The following SLC6A14 variants were observed in gnomAD, a reference collection of about 807,000 sequenced individuals.
The protein encoded by SLC6A14 is sodium- and chloride-dependent neutral and basic amino acid transporter B(0+).
A neutral mutation model predicts 51.4 loss-of-function variants in SLC6A14; 21 were observed. The observed-to-expected ratio is 0.41, with a 90% confidence interval of 0.29 to 0.59. SLC6A14 has a LOEUF of 0.59. Ranked by LOEUF, SLC6A14 falls within the 20% of genes least tolerant of loss-of-function variation. SLC6A14 has a pLI of 0.31. For missense variants in SLC6A14, 371 were observed against 472.8 expected (o/e 0.78, Z 2.00); for synonymous variants, 177 against 160.7 (o/e 1.10, Z -0.77).
chrX:116,456,519 G>T (rs1312118616), intron 12 of SLC6A14, among the ~76,000 whole-genome samples: 1 of 110,898 alleles, frequency 9.0e-6, no homozygotes, highest in African/African-American at 3.3e-5. Flanking sequence ...AGAAGGTCTA[G>T]CTGGATCACT....
In SLC6A14 at chrX:116,446,786, C is replaced by A; in HGVS notation, c.835C>A (p.Leu279Met). 8.3e-7 allele frequency: 1 copy of A among 1,202,902 alleles called. No homozygotes were observed. Residue 279 changes from leucine to methionine, a missense_variant, in exon 7 of 14, where the codon CTG (leucine) becomes ATG (methionine). By Grantham distance (15) the Leu-to-Met change is conservative. Coordinates refer to ENST00000598581, the MANE Select transcript of SLC6A14 (RefSeq NM_007231.5). ...ALFPYVVLLILLVRGATLEGA... is the reference protein window; with the variant it reads ...ALFPYVVLLIMLVRGATLEGA... The stretch of plus-strand genomic sequence containing the variant: ...TTTCCCCTATGTGGTCCTACTCATC[C>A]TGTTAGTACGAGGTGCAACTCTGGA...
intron 12 of SLC6A14, among the ~76,000 whole-genome samples, chrX:116,456,643 T>G (rs1927941132): frequency 9.0e-6 from 1 of 111,190 alleles, no homozygotes; most frequent in Admixed American, 9.6e-5. Flanking sequence ...TAAAGTCATG[T>G]GTATTGGACT....
chrX:116,448,116 G>A (rs1927753446), intron 7 of SLC6A14, among the ~76,000 whole-genome samples: 1 of 111,891 alleles, frequency 8.9e-6, no homozygotes, highest in Non-Finnish European at 1.9e-5. Context: ...ATACTTACAA[G>A]AGGATGTGTA....
In SLC6A14 at chrX:116,454,963, CA is replaced by C. The variant is rs782363632; in HGVS notation, c.1405-13del. The C allele has an allele frequency of 8.7e-7, 1 of 1,144,364 alleles. No homozygotes were observed. Among genetic ancestry groups the C allele is most frequent in the South Asian group, 1.9e-5 (1 of 52,329 alleles). The allele number at this position is 1,144,364 out of a possible 1,213,427, so 94.3% of individuals were successfully genotyped here. On this transcript the variant is annotated splice_polypyrimidine_tract_variant and intron_variant, in intron 10 of 13. Coordinates refer to ENST00000598581, the MANE Select transcript of SLC6A14 (RefSeq NM_007231.5). ...TTAAAATATACTTAGAAGTAATTAACATTTTTTTGGTAGGCTGGAATTTACT... is the reference window on the plus strand; with the variant it reads ...TTAAAATATACTTAGAAGTAATTAACTTTTTTTGGTAGGCTGGAATTTACT...
chrX:116,442,005 G>A (rs1321879016), intron 3 of SLC6A14, among the ~76,000 whole-genome samples: 2 of 110,954 alleles, frequency 1.8e-5, no homozygotes, highest in Non-Finnish European at 1.9e-5. Context: ...AATTTTTTTT[G>A]TCTAAAGAAT....
At position 116,441,101 on chromosome X, in the gene SLC6A14, G is replaced by T. The variant is rs1556693651; in HGVS notation, c.346+4G>T. The T allele has an allele frequency of 8.3e-7, 1 of 1,205,588 alleles. No homozygotes were observed. Among genetic ancestry groups the T allele is most frequent in the Non-Finnish European group, 1.1e-6 (1 of 892,907 alleles). On this transcript the variant is annotated splice_donor_region_variant and intron_variant, in intron 3 of 13. Transcript: ENST00000598581. Reference sequence around the variant, plus strand: ...AGGATTCTTCCATTGTTTCAAGGTTGGTATTAAAGCGTTTTCTTGGTATTA... The same window carrying T: ...AGGATTCTTCCATTGTTTCAAGGTTTGTATTAAAGCGTTTTCTTGGTATTA...
chrX:116,437,050 A>G (rs1556693333), intron 1 of SLC6A14, among the ~76,000 whole-genome samples: 1 of 111,427 alleles, frequency 9.0e-6, no homozygotes, highest in African/African-American at 3.3e-5. Context: ...ACAAAAGTAC[A>G]CTGTTCTTAA....
At chrX:116,450,007 G>A (rs1298578736) in intron 7 of SLC6A14, among the ~76,000 whole-genome samples, 6 of 111,798 alleles carry the variant, frequency 5.4e-5, no homozygotes, top group African/African-American at 2.0e-4. Flanking sequence ...TAGGTGAACT[G>A]AAAATTTAAC....
Position 116,443,802 on chromosome X carries a change from A to G in SLC6A14, c.656+12A>G. ...GAACAATATTGGAAGTAAGTATACT[A>G]GATGATTTACTTTTAAGTAGATGTT... On this transcript the variant is annotated intron_variant, in intron 5 of 13. Transcript: ENST00000598581. The G allele has an allele frequency of 8.7e-7, 1 of 1,150,300 alleles. No homozygotes were observed. The highest frequency in any genetic ancestry group is 1.2e-6 in the Non-Finnish European group (1 of 857,940). 94.8% of individuals were successfully genotyped at this position (1,150,300 alleles called of 1,213,427 possible).
chrX:116,451,370 C>T (rs1556694382), intron 7 of SLC6A14, 72 bp from the exon 8 acceptor site: 7 of 720,300 alleles, frequency 9.7e-6, no homozygotes, highest in African/African-American at 2.2e-5. Flanking sequence ...TATTCATTTG[C>T]TTATGTGAAA....
Position 116,451,585 on chromosome X carries a change from C to G in SLC6A14, c.1074C>G (p.Ser358Arg). Reference protein sequence around the residue: ...IVVCLTNCLTSVFAGFAIFSI... With the variant: ...IVVCLTNCLTRVFAGFAIFSI... ...TTTGTTTGACAAACTGTCTCACTAG[C>G]GTGTTTGCTGGATTTGCTATTTTTT... is the stretch of plus-strand genomic sequence containing the variant. Residue 358 changes from serine to arginine, a missense_variant, in exon 8 of 14, where the codon AGC becomes AGG. Ser to Arg is a moderately radical substitution (Grantham distance 110). This residue lies in a region of SLC6A14 where 277 missense variants were observed against 391.8 expected (regional missense o/e 0.71). Coordinates refer to ENST00000598581, the MANE Select transcript of SLC6A14 (RefSeq NM_007231.5). The G allele has an allele frequency of 8.3e-7, 1 of 1,209,466 alleles. No homozygotes were observed. Among genetic ancestry groups the G allele is most frequent in the South Asian group, 1.8e-5 (1 of 56,898 alleles).
chrX:116,454,202 A>C lies in SLC6A14; in HGVS notation c.1286-122A>C, dbSNP rs781829894. ...CCCTGTGGGTTTTTAAAAGCAGGGA[A>C]CAGGGCTCAGAGTCTATTTTCAACA... is the stretch of plus-strand genomic sequence containing the variant. On this transcript the variant is annotated intron_variant, in intron 9 of 13. Transcript: ENST00000598581. 7 of 457,111 alleles carry C rather than the reference A, an allele frequency of 1.5e-5. No homozygotes were observed. In the South Asian group the frequency reaches 2.7e-4, roughly 18 times the overall value. The allele number at this position is 457,111 out of a possible 1,213,427, so 37.7% of individuals were successfully genotyped here.
Position 116,442,682 on chromosome X carries a change from T to C in SLC6A14, c.347-5T>C. 9.2e-7 allele frequency: 1 copy of C among 1,088,116 alleles called. No homozygotes were observed. 89.7% of individuals were successfully genotyped at this position (1,088,116 alleles called of 1,213,427 possible). On this transcript the variant is annotated splice_region_variant and splice_polypyrimidine_tract_variant and intron_variant, in intron 3 of 13. Coordinates refer to ENST00000598581, the MANE Select transcript of SLC6A14 (RefSeq NM_007231.5). The stretch of plus-strand genomic sequence containing the variant: ...TTTTTATTTTAATTGTTCTTTTTTT[T>C]CCAGGTGTGGGAATTACAATGGTCC...
intron 7 of SLC6A14, among the ~76,000 whole-genome samples, chrX:116,448,272 T>C (rs1927756601): frequency 8.9e-6 from 1 of 112,442 alleles, no homozygotes; most frequent in Non-Finnish European, 1.9e-5. Context: ...GCTCAATAAT[T>C]TCCACTCAAT....
chrX:116,460,053 A>G lies in SLC6A14; in HGVS notation c.*1098A>G, dbSNP rs1301689946. 1.8e-5 allele frequency: 2 copies of G among 111,984 alleles called. No individual in the cohort carries two copies. The highest frequency in any genetic ancestry group is 3.8e-5 in the Non-Finnish European group (2 of 53,164). The allele number at this position is 111,984 out of a possible 1,213,427, so 9.2% of individuals were successfully genotyped here. ...TATATATTGATTATATATTGTTGAC[A>G]ACTGGTTTAAGCATCATAGCCTATG... On this transcript the variant is annotated 3_prime_UTR_variant, in exon 14 of 14. Coordinates refer to ENST00000598581, the MANE Select transcript of SLC6A14 (RefSeq NM_007231.5).
At chrX:116,441,747 C>T (rs1230006762) in intron 3 of SLC6A14, among the ~76,000 whole-genome samples, 1 of 111,782 alleles carries the variant, frequency 8.9e-6, no homozygotes, top group Non-Finnish European at 1.9e-5. Flanking sequence ...ACCTTAAAAG[C>T]TAGTTTTGAG....
intron 6 of SLC6A14, among the ~76,000 whole-genome samples, chrX:116,445,497 A>ACC (rs1569539651): frequency 7.9e-5 from 8 of 101,772 alleles, no homozygotes; most frequent in Admixed American, 5.3e-4. Flanking sequence ...AGAGAGAGAG[A>ACC]GAGAGAGAAA....
At chrX:116,448,340 T>G (rs782639344) in intron 7 of SLC6A14, among the ~76,000 whole-genome samples, 40 of 112,122 alleles carry the variant, frequency 3.6e-4, no homozygotes, top group African/African-American at 1.3e-3. Flanking sequence ...ATTATAGTCT[T>G]GGAGATTAAT....
intron 12 of SLC6A14, among the ~76,000 whole-genome samples, chrX:116,455,736 T>C (rs1485192751): frequency 1.8e-5 from 2 of 111,155 alleles, no homozygotes; most frequent in Non-Finnish European, 3.8e-5. Context: ...AATTTATCAA[T>C]ACAAAAAATG....
Sources: gnomAD v4.1 joint callset for allele counts (sites outside exome capture counted in the v4.1 genomes callset) on GRCh38, gnomAD v4.1.1 for gene constraint, gnomAD v4.1.1 regional missense constraint, MANE v1.5 for transcripts, NCBI Gene and HGNC (gene_info 2026-07-23, HGNC 2026-07-21) for gene names.